CCDC178: variants seen among roughly 807,000 people sequenced by gnomAD.
CCDC178 encodes the protein coiled-coil domain-containing protein 178.
In CCDC178, 126 loss-of-function variants were observed where a neutral mutation model predicts 117.4. The ratio of observed to expected loss-of-function variants is 1.07; its 90% CI spans 0.93 to 1.24. CCDC178 has a LOEUF of 1.24. Ranked by LOEUF, CCDC178 falls within the 50% of genes most tolerant of loss-of-function variation. The probability of loss-of-function intolerance (pLI) is 0.00; values close to 1 mark genes in which losing one functional copy is unlikely to be tolerated. For missense variants in CCDC178, 1,030 were observed against 986.9 expected (o/e 1.04, Z -0.59); for synonymous variants, 283 against 313.4 (o/e 0.90, Z 1.02).
intron 12 of CCDC178, among the ~76,000 whole-genome samples, chr18:33,276,878 G>A (rs997691270): frequency 6.6e-6 from 1 of 151,990 alleles, no homozygotes; most frequent in African/African-American, 2.4e-5. Flanking sequence ...TCTCCCTAGA[G>A]GCAGAAAAGA....
chr18:33,342,528 G>A (rs958165804), intron 9 of CCDC178, among the ~76,000 whole-genome samples: 2 of 152,124 alleles, frequency 1.3e-5, no homozygotes, highest in African/African-American at 4.8e-5. Context: ...GAGAAGTGAA[G>A]GTATGCCAGT....
At chr18:33,415,676 C>A (rs564099091) in intron 2 of CCDC178, among the ~76,000 whole-genome samples, 1 of 151,936 alleles carries the variant, frequency 6.6e-6, no homozygotes, top group Non-Finnish European at 1.5e-5. Context: ...TGCACATGTA[C>A]CCTAGAACTT....
chr18:33,195,223 C>T (rs1420982665), intron 20 of CCDC178, among the ~76,000 whole-genome samples: 1 of 151,864 alleles, frequency 6.6e-6, no homozygotes, highest in Non-Finnish European at 1.5e-5. Flanking sequence ...AAATATATAA[C>T]TCCAGATAAT....
At chr18:33,260,873 G>A (rs1719634962) in intron 14 of CCDC178, among the ~76,000 whole-genome samples, 2 of 151,832 alleles carry the variant, frequency 1.3e-5, no homozygotes, top group African/African-American at 2.4e-5. Context: ...GAATGTATAC[G>A]TATAGGTCTG....
intron 14 of CCDC178, among the ~76,000 whole-genome samples, chr18:33,252,887 A>C (rs1432053680): frequency 2.6e-5 from 4 of 151,826 alleles, no homozygotes; most frequent in African/African-American, 9.7e-5. Context: ...AGAATATTTT[A>C]CAGAGCTTGA....
At chr18:33,153,896 G>T (rs1219420119) in intron 20 of CCDC178, among the ~76,000 whole-genome samples, 1 of 151,750 alleles carries the variant, frequency 6.6e-6, no homozygotes, top group Non-Finnish European at 1.5e-5. Flanking sequence ...AAGTTACATG[G>T]AAAGATGATT....
At chr18:32,949,210 G>A (rs915179862) in intron 22 of CCDC178, among the ~76,000 whole-genome samples, 3 of 151,970 alleles carry the variant, frequency 2.0e-5, no homozygotes, top group African/African-American at 7.2e-5. Flanking sequence ...ATTTCATTAC[G>A]ATATGCCTTG....
intron 20 of CCDC178, among the ~76,000 whole-genome samples, chr18:33,177,866 T>C (rs2058681879): frequency 6.6e-6 from 1 of 152,172 alleles, no homozygotes; most frequent in South Asian, 2.1e-4. Flanking sequence ...TTACTTTGCC[T>C]GATGGTTGGT....
intron 2 of CCDC178, among the ~76,000 whole-genome samples, chr18:33,426,862 G>C (rs1392298207): frequency 6.6e-6 from 1 of 152,006 alleles, no homozygotes; most frequent in East Asian, 1.9e-4. Flanking sequence ...AATGAGGATT[G>C]TCAACAATGG....
intron 20 of CCDC178, among the ~76,000 whole-genome samples, chr18:33,116,460 C>T (rs908727771): frequency 3.3e-5 from 5 of 152,154 alleles, no homozygotes; most frequent in South Asian, 2.1e-4. Context: ...CAGGGATCAT[C>T]TCACAGTTCT....
At chr18:33,161,136 G>C (rs2144381296) in intron 20 of CCDC178, among the ~76,000 whole-genome samples, 1 of 152,168 alleles carries the variant, frequency 6.6e-6, no homozygotes, top group African/African-American at 2.4e-5. Context: ...AGGTATAAAA[G>C]AATAGAGAGC....
chr18:32,971,721 T>C (rs1568189378), intron 22 of CCDC178, among the ~76,000 whole-genome samples: 1 of 152,190 alleles, frequency 6.6e-6, no homozygotes, highest in Non-Finnish European at 1.5e-5. Flanking sequence ...TCATTCTGAC[T>C]GGCTTGAGAT....
At chr18:33,395,435 A>T (rs1407243166) in intron 4 of CCDC178, among the ~76,000 whole-genome samples, 1 of 151,916 alleles carries the variant, frequency 6.6e-6, no homozygotes, top group East Asian at 1.9e-4. Flanking sequence ...ACCAGAAATA[A>T]CCACCCCAAT....
intron 11 of CCDC178, among the ~76,000 whole-genome samples, chr18:33,301,691 T>C (rs1225214064): frequency 6.6e-6 from 1 of 152,240 alleles, no homozygotes; most frequent in East Asian, 1.9e-4. Context: ...TTTCAGACTT[T>C]TATGAGGCCT....
intron 15 of CCDC178, among the ~76,000 whole-genome samples, chr18:33,237,814 C>T (rs186100281): frequency 3.6e-4 from 55 of 152,298 alleles, no homozygotes; most frequent in African/African-American, 1.3e-3. Context: ...ATGGGTTGCC[C>T]TGAAGACACA....
intron 20 of CCDC178, among the ~76,000 whole-genome samples, chr18:33,105,172 C>A (rs2057687974): frequency 6.6e-6 from 1 of 151,640 alleles, no homozygotes; most frequent in South Asian, 2.1e-4. Context: ...ATTGTGCATA[C>A]ATATTGGTAT....
intron 4 of CCDC178, among the ~76,000 whole-genome samples, chr18:33,392,604 G>A (rs932775725): frequency 6.6e-6 from 1 of 152,108 alleles, no homozygotes; most frequent in Admixed American, 6.5e-5. Flanking sequence ...AATCAAAATT[G>A]TAATAGAATC....
intron 11 of CCDC178, among the ~76,000 whole-genome samples, chr18:33,317,975 T>C (rs967594712): frequency 1.4e-4 from 22 of 152,044 alleles, no homozygotes; most frequent in African/African-American, 5.1e-4. Context: ...ACCGTGACCA[T>C]TGCCAATCCT....
intron 11 of CCDC178, among the ~76,000 whole-genome samples, chr18:33,293,740 TC>T (rs2062068483): frequency 6.6e-6 from 1 of 152,054 alleles, no homozygotes; most frequent in African/African-American, 2.4e-5. Flanking sequence ...TCAATGGAAA[TC>T]CATCCCAACG....
Sources: gnomAD v4.1 joint callset for allele counts (sites outside exome capture counted in the v4.1 genomes callset) on GRCh38, gnomAD v4.1.1 for gene constraint, MANE v1.5 for transcripts, NCBI Gene and HGNC (gene_info 2026-07-23, HGNC 2026-07-21) for gene names.